CCDC85A: variants seen among roughly 807,000 people sequenced by gnomAD.
The protein encoded by CCDC85A is coiled-coil domain containing 85A.
A neutral mutation model predicts 50.2 loss-of-function variants in CCDC85A; 38 were observed. That is an observed-to-expected ratio of 0.76 (90% CI 0.58 to 0.99). The LOEUF (loss-of-function observed/expected upper bound fraction) is 0.99, where lower values mean the gene tolerates loss of function less well. Ranked by LOEUF, CCDC85A falls within the 50% of genes least tolerant of loss-of-function variation. The pLI, the probability that CCDC85A is intolerant of heterozygous loss-of-function variation, is 0.00. For synonymous variants in CCDC85A, 366 were observed against 301.4 expected, an observed-to-expected ratio of 1.21 and a Z score of -2.22; for missense variants, 820 against 742.0, an observed-to-expected ratio of 1.11 and a Z score of -1.22.
intron 2 of CCDC85A, among the ~76,000 whole-genome samples, chr2:56,215,130 T>A (rs1573036381): frequency 6.6e-6 from 1 of 151,954 alleles, no homozygotes; most frequent in African/African-American, 2.4e-5. Flanking sequence ...TCTTTGGTGC[T>A]ATCATAAATG....
At position 56,184,414 on chromosome 2, in the gene CCDC85A, C is replaced by A. The variant is rs1159957379; in HGVS notation, c.-211C>A. The A allele has an allele frequency of 3.7e-6, 2 of 541,138 alleles. No homozygotes were observed. Among genetic ancestry groups the A allele is most frequent in the Non-Finnish European group, 5.4e-6 (2 of 372,448 alleles). The allele number at this position is 541,138 out of a possible 1,614,324, so 33.5% of individuals were successfully genotyped here. A position where few individuals can be genotyped will look rare whatever the true frequency, so the allele number is the denominator to read the frequency against. ...CAGCAGCAAGCGGCTGGCTGCCGGG[C>A]CCTGGGGGAGCGCGGGCGCGCGCGC... On this transcript the variant is annotated 5_prime_UTR_variant, in exon 1 of 6. Coordinates refer to ENST00000407595, the MANE Select transcript of CCDC85A (RefSeq NM_001080433.2).
chr2:56,191,575 G>C (rs1445498104), intron 1 of CCDC85A, among the ~76,000 whole-genome samples: 1 of 152,222 alleles, frequency 6.6e-6, no homozygotes. Flanking sequence ...CCAAAGCCTT[G>C]TTTGGTTTTG....
chr2:56,375,742 T>C (rs1676301947), intron 4 of CCDC85A, 74 bp from the exon 5 acceptor site: 8 of 1,476,720 alleles, frequency 5.4e-6, no homozygotes, highest in Non-Finnish European at 7.4e-6. Context: ...GTAGTGAAAT[T>C]GAATATTGAA....
intron 2 of CCDC85A, among the ~76,000 whole-genome samples, chr2:56,308,340 C>T (rs551682960): frequency 6.6e-6 from 1 of 152,286 alleles, no homozygotes; most frequent in African/African-American, 2.4e-5. Context: ...GAACGTTCAT[C>T]AACAAATTTA....
At chr2:56,227,055 G>A (rs1558594136) in intron 2 of CCDC85A, among the ~76,000 whole-genome samples, 1 of 152,068 alleles carries the variant, frequency 6.6e-6, no homozygotes, top group Admixed American at 6.5e-5. Flanking sequence ...GAGTGACATT[G>A]TTTTATTTTT....
chr2:56,312,924 A>T (rs1029695775), intron 2 of CCDC85A, among the ~76,000 whole-genome samples: 3 of 152,178 alleles, frequency 2.0e-5, no homozygotes, highest in Admixed American at 1.3e-4. Context: ...TAATCCTGAC[A>T]TACAAAAGCA....
intron 2 of CCDC85A, among the ~76,000 whole-genome samples, chr2:56,334,024 C>G (rs1316418674): frequency 6.6e-6 from 1 of 152,190 alleles, no homozygotes; most frequent in African/African-American, 2.4e-5. Context: ...TCTCCAAGAT[C>G]TTTGCATAGT....
At chr2:56,232,793 G>T (rs981762017) in intron 2 of CCDC85A, among the ~76,000 whole-genome samples, 1 of 151,856 alleles carries the variant, frequency 6.6e-6, no homozygotes, top group African/African-American at 2.4e-5. Context: ...AACTACCCTG[G>T]TCCAAGACAT....
chr2:56,378,944 A>G (rs1206328824), intron 5 of CCDC85A, among the ~76,000 whole-genome samples: 1 of 152,250 alleles, frequency 6.6e-6, no homozygotes, highest in East Asian at 1.9e-4. Flanking sequence ...GATAAAAACA[A>G]CAAACAGCAC....
intron 2 of CCDC85A, among the ~76,000 whole-genome samples, chr2:56,214,032 G>A (rs1677291960): frequency 6.6e-6 from 1 of 151,918 alleles, no homozygotes; most frequent in Non-Finnish European, 1.5e-5. Flanking sequence ...ACCAGGTTTG[G>A]CTGATAGTAG....
intron 2 of CCDC85A, among the ~76,000 whole-genome samples, chr2:56,260,827 T>C (rs1466121602): frequency 1.3e-5 from 2 of 152,224 alleles, no homozygotes; most frequent in Non-Finnish European, 2.9e-5. Context: ...AATGATTCTA[T>C]TTGTTGGCTA....
chr2:56,184,120 G>C lies in CCDC85A; in HGVS notation c.-505G>C. The C allele has an allele frequency of 1.0e-6, 1 of 975,702 alleles. No homozygotes were observed. The highest frequency in any genetic ancestry group is 1.7e-5 in the African/African-American group (1 of 57,210). 60.4% of individuals were successfully genotyped at this position (975,702 alleles called of 1,614,324 possible). A position where few individuals can be genotyped will look rare whatever the true frequency, so the allele number is the denominator to read the frequency against. On this transcript the variant is annotated 5_prime_UTR_variant, in exon 1 of 6. Transcript: ENST00000407595. ...CGGCGGCGTCGCTAGAGCAGCCGGG[G>C]AGGCGCCGCGGTGCCCGGCGCGCCC...
intron 2 of CCDC85A, among the ~76,000 whole-genome samples, chr2:56,327,303 C>G (rs928268246): frequency 6.6e-6 from 1 of 152,100 alleles, no homozygotes; most frequent in Non-Finnish European, 1.5e-5. Context: ...TGTTTGATTA[C>G]TGAAAATTAA....
intron 4 of CCDC85A, among the ~76,000 whole-genome samples, chr2:56,373,268 C>T (rs920938225): frequency 6.6e-6 from 1 of 151,984 alleles, no homozygotes; most frequent in Non-Finnish European, 1.5e-5. Flanking sequence ...GCTCCCAAAG[C>T]TAGTTTGAAG....
At chr2:56,256,117 A>T (rs1204279237) in intron 2 of CCDC85A, among the ~76,000 whole-genome samples, 2 of 152,212 alleles carry the variant, frequency 1.3e-5, no homozygotes, top group Non-Finnish European at 2.9e-5. Flanking sequence ...GTTAGCTCAA[A>T]AAAGGCTCAG....
At chr2:56,201,186 G>A (rs377407096) in intron 2 of CCDC85A, among the ~76,000 whole-genome samples, 292 of 150,942 alleles carry the variant, frequency 1.9e-3, no homozygotes, top group African/African-American at 6.9e-3. Flanking sequence ...AATGCATTAC[G>A]TTTAAAGATA....
chr2:56,365,892 T>C (rs57138748), intron 3 of CCDC85A, among the ~76,000 whole-genome samples: 2,203 of 152,260 alleles, frequency 0.014, 53 homozygotes, highest in African/African-American at 0.05. Flanking sequence ...TTGTATCCTT[T>C]GACAGACATT....
intron 3 of CCDC85A, among the ~76,000 whole-genome samples, chr2:56,350,534 T>C (rs1026822888): frequency 7.2e-5 from 11 of 152,166 alleles, no homozygotes; most frequent in Non-Finnish European, 1.6e-4. Flanking sequence ...TTTTGGAATA[T>C]AGTTAATTAA....
intron 2 of CCDC85A, among the ~76,000 whole-genome samples, chr2:56,332,302 A>C (rs543545695): frequency 6.6e-6 from 1 of 152,226 alleles, no homozygotes; most frequent in South Asian, 2.1e-4. Context: ...GATACAACAG[A>C]ATACCTTAGG....
Sources: gnomAD v4.1 joint callset for allele counts (sites outside exome capture counted in the v4.1 genomes callset) on GRCh38, gnomAD v4.1.1 for gene constraint, MANE v1.5 for transcripts, NCBI Gene and HGNC (gene_info 2026-07-23, HGNC 2026-07-21) for gene names.